The following TMEM132B variants were observed in gnomAD, a reference collection of about 807,000 sequenced individuals.
The protein encoded by TMEM132B is transmembrane protein 132B.
In TMEM132B, 18 loss-of-function variants were observed where a neutral mutation model predicts 90.8. The ratio of observed to expected loss-of-function variants is 0.20; its 90% CI spans 0.14 to 0.29. The LOEUF is 0.29. Among genes scored for constraint, TMEM132B ranks in the 10% least tolerant of loss-of-function variants. TMEM132B has a pLI of 1.00. For synonymous variants in TMEM132B, 504 were observed against 523.3 expected (o/e 0.96, Z 0.50); for missense variants, 1,096 against 1,326.8 (o/e 0.83, Z 2.70).
intron 5 of TMEM132B, among the ~76,000 whole-genome samples, chr12:125,616,235 A>G (rs1885983213): frequency 2.0e-5 from 3 of 152,074 alleles, no homozygotes; most frequent in Non-Finnish European, 4.4e-5. Flanking sequence ...GATGGTTTCC[A>G]GCTTCATCCA....
At chr12:125,317,745 T>G (rs1023259262) in intron 1 of TMEM132B, among the ~76,000 whole-genome samples, 3 of 152,170 alleles carry the variant, frequency 2.0e-5, no homozygotes, top group African/African-American at 7.2e-5. Context: ...AGTGTGACTT[T>G]GAGGGGCCCC....
At position 125,547,616 on chromosome 12, in the gene TMEM132B, C is replaced by T. The variant is rs368461579; in HGVS notation, c.1293+27991C>T. ...GTAGTTAACTTGTCTAGACTTAAAC[C>T]GCAACATTTGCCTCCCTGGTTTTGC... On this transcript the variant is annotated intron_variant, in intron 4 of 8. Coordinates refer to ENST00000682704, the MANE Select transcript of TMEM132B (RefSeq NM_001366854.1). 4.2e-4 allele frequency among the ~76,000 whole-genome samples: 64 copies of T among 152,198 alleles called. 1 individual carries two copies. Among genetic ancestry groups the T allele is most frequent in the South Asian group, 3.3e-3 (16 of 4,814 alleles).
At chr12:125,284,675 G>A (rs896860967) in intron 1 of TMEM132B, among the ~76,000 whole-genome samples, 3 of 152,012 alleles carry the variant, frequency 2.0e-5, no homozygotes, top group African/African-American at 7.3e-5. Context: ...TCGCTTCTGC[G>A]TTTTTTTTAT....
intron 5 of TMEM132B, among the ~76,000 whole-genome samples, chr12:125,629,807 T>C (rs73418408): frequency 0.02 from 3,032 of 152,234 alleles, 99 homozygotes; most frequent in African/African-American, 0.068. Flanking sequence ...TGTTGAAGTA[T>C]GTTCCTTGTA....
chr12:125,507,887 A>G (rs1051057101), intron 3 of TMEM132B, among the ~76,000 whole-genome samples: 1 of 152,166 alleles, frequency 6.6e-6, no homozygotes, highest in African/African-American at 2.4e-5. Context: ...AGTGGTGGTG[A>G]GAGTGGACAC....
At chr12:125,567,512 C>T (rs543671219) in intron 4 of TMEM132B, among the ~76,000 whole-genome samples, 51 of 152,290 alleles carry the variant, frequency 3.3e-4, no homozygotes, top group South Asian at 8.3e-4. Flanking sequence ...TGGGGACCAA[C>T]GGAGCCTCCA....
At chr12:125,649,932 A>G (rs930853122) in intron 6 of TMEM132B, among the ~76,000 whole-genome samples, 1 of 152,208 alleles carries the variant, frequency 6.6e-6, no homozygotes, top group African/African-American at 2.4e-5. Flanking sequence ...GATGGGCAAC[A>G]GGAGAGACAC....
At chr12:125,383,057 A>G (rs325090) in intron 2 of TMEM132B, among the ~76,000 whole-genome samples, 31,190 of 152,148 alleles carry the variant, frequency 0.2, 3,782 homozygotes, top group East Asian at 0.51. Flanking sequence ...AGCAAACCCA[A>G]CCTGGAGTGG....
At chr12:125,632,045 ACTCTT>A (rs1380303584) in intron 5 of TMEM132B, among the ~76,000 whole-genome samples, 2 of 148,550 alleles carry the variant, frequency 1.3e-5, no homozygotes, top group Non-Finnish European at 3.0e-5. Flanking sequence ...GTTGTTTTGT[ACTCTT>A]CTCTTCCTTC....
intron 1 of TMEM132B, among the ~76,000 whole-genome samples, chr12:125,244,669 C>T (rs1481032797): frequency 6.6e-6 from 1 of 152,242 alleles, no homozygotes; most frequent in African/African-American, 2.4e-5. Flanking sequence ...AGGAGACCTT[C>T]CTCCCCTCCC....
chr12:125,208,068 G>A (rs532407210), intron 1 of TMEM132B, among the ~76,000 whole-genome samples: 115 of 152,278 alleles, frequency 7.6e-4, no homozygotes, highest in African/African-American at 2.6e-3. Flanking sequence ...CATTCCCCAC[G>A]CCTCAGTTAA....
Position 125,661,722 on chromosome 12 carries a change from A to T in TMEM132B, c.*7012A>T, listed in dbSNP as rs1344743219. ...GTGGGCATAAGCAAACACCATAACT[A>T]TGAAAGGCTGAGAGTGGAGAATTAA... On this transcript the variant is annotated 3_prime_UTR_variant, in exon 9 of 9. Transcript: ENST00000682704. 1.4e-4 allele frequency: 22 copies of T among 152,202 alleles called. No individual in the cohort carries two copies. The highest frequency in any genetic ancestry group is 5.1e-4 in the African/African-American group (21 of 41,462). The allele number at this position is 152,202 out of a possible 1,614,324, so 9.4% of individuals were successfully genotyped here. A position where few individuals can be genotyped will look rare whatever the true frequency, so the allele number is the denominator to read the frequency against.
At chr12:125,638,126 C>T (rs1886534372) in intron 5 of TMEM132B, among the ~76,000 whole-genome samples, 1 of 152,170 alleles carries the variant, frequency 6.6e-6, no homozygotes, top group East Asian at 1.9e-4. Context: ...GAAGCAGTAA[C>T]ACAGTGCTGA....
rs757928334 is a variant in TMEM132B at position 125,583,929 on chromosome 12, G to A, written c.1372G>A (p.Asp458Asn). ...VPVKVVGVQE[D>N]GSVVDVSESV... is the part of the protein sequence containing the mutation. ...TGTCAAAGTCGTGGGGGTCCAGGAG[G>A]ATGGTTCTGTGGTCGATGTGTCTGA... The change falls in exon 5 of 9, where the codon GAT becomes AAT. Residue 458 changes from aspartate to asparagine, a missense_variant. Physicochemically the swap from Asp to Asn is conservative, Grantham distance 23. Transcript: ENST00000682704. The A allele has an allele frequency of 6.8e-6, 11 of 1,614,094 alleles. No homozygotes were observed. Among genetic ancestry groups the A allele is most frequent in the East Asian group, 4.5e-5 (2 of 44,886 alleles).
intron 1 of TMEM132B, among the ~76,000 whole-genome samples, chr12:125,319,952 G>T (rs550350380): frequency 1.6e-4 from 25 of 152,322 alleles, no homozygotes; most frequent in African/African-American, 6.0e-4. Context: ...GGAGGTTGAG[G>T]GCTGCAGTGA....
At chr12:125,443,585 T>A (rs1880932315) in intron 3 of TMEM132B, among the ~76,000 whole-genome samples, 2 of 152,300 alleles carry the variant, frequency 1.3e-5, no homozygotes, top group South Asian at 4.2e-4. Context: ...TGGGTAACAA[T>A]CACTGCTGTG....
rs562217224 is a variant in TMEM132B, at chr12:125,208,915, C to G, written c.67+22049C>G. Among the ~76,000 whole-genome samples the G allele has an allele frequency of 8.5e-5, 13 of 152,330 alleles. No individual in the cohort carries two copies. The South Asian group carries it at 2.5e-3, about 29-fold the overall frequency. On this transcript the variant is annotated intron_variant, in intron 1 of 8. Transcript: ENST00000682704. The stretch of plus-strand genomic sequence containing the variant: ...TGCCCCTTCATGCCGTCACCACAGG[C>G]ACCCTCCTAGGTGCAGAGGGTGCTC...
intron 5 of TMEM132B, among the ~76,000 whole-genome samples, chr12:125,609,024 G>A (rs1395696718): frequency 6.6e-6 from 1 of 152,176 alleles, no homozygotes; most frequent in Non-Finnish European, 1.5e-5. Flanking sequence ...TTTTCACAGA[G>A]CAGCAGGGGA....
Position 125,238,431 on chromosome 12 carries a change from C to G in TMEM132B, c.67+51565C>G, listed in dbSNP as rs552978304. Among the ~76,000 whole-genome samples the G allele has an allele frequency of 9.3e-5, 14 of 150,372 alleles. 1 individual carries two copies. The South Asian group carries it at 2.8e-3, about 30-fold the overall frequency. On this transcript the variant is annotated intron_variant, in intron 1 of 8. Coordinates refer to ENST00000682704, the MANE Select transcript of TMEM132B (RefSeq NM_001366854.1). ...GTCTCAGATGTGGGCTTTGCTTTCT[C>G]TGCTGCGTGTAATTTGGTTTTCTGT...
Sources: allele counts gnomAD v4.1 joint callset (sites outside exome capture counted in the v4.1 genomes callset), GRCh38; gene constraint gnomAD v4.1.1; transcripts MANE v1.5; gene names NCBI Gene and HGNC (gene_info 2026-07-23, HGNC 2026-07-21).